Variants in GTF2A2 observed in about 807,000 individuals in gnomAD.
GTF2A2 encodes the protein transcription initiation factor IIA subunit 2.
A neutral mutation model predicts 14.3 loss-of-function variants in GTF2A2; 9 were observed. The observed-to-expected ratio is 0.63, with a 90% confidence interval of 0.38 to 1.10. The LOEUF (loss-of-function observed/expected upper bound fraction) is 1.10, where lower values mean the gene tolerates loss of function less well. GTF2A2 is among the 50% of genes least tolerant of loss of function. The pLI is 0.01. For synonymous variants in GTF2A2, 56 were observed against 46.0 expected (o/e 1.22, Z -0.88); for missense variants, 90 against 124.6 (o/e 0.72, Z 1.32).
intron 1 of GTF2A2, among the ~76,000 whole-genome samples, chr15:59,652,705 C>G (rs1891831853): frequency 6.6e-6 from 1 of 152,006 alleles, no homozygotes. Context: ...CTTTATTTTC[C>G]TGTTCTCTCT....
intron 2 of GTF2A2, chr15:59,651,859 A>AT: frequency 5.7e-6 from 1 of 174,552 alleles, no homozygotes; most frequent in South Asian, 1.3e-4. Flanking sequence ...TAATTTTTTT[A>AT]TTTTTTGTGG....
At chr15:59,656,981 C>T (rs1414761569) in intron 1 of GTF2A2, 7 of 152,208 alleles carry the variant, frequency 4.6e-5, no homozygotes, top group African/African-American at 1.7e-4. Context: ...AAATTCGTTC[C>T]TTTTGTCGGA....
Position 59,652,293 on chromosome 15 carries a change from ATT to A in GTF2A2, c.-18_-17del. 6.6e-7 allele frequency: 1 copy of A among 1,521,084 alleles called. No homozygotes were observed. The allele number at this position is 1,521,084 out of a possible 1,614,324, so 94.2% of individuals were successfully genotyped here. On this transcript the variant is annotated 5_prime_UTR_variant, in exon 2 of 5. Transcript: ENST00000396060. ...GATATGCCATGGCTTAGGAGGAAGA[ATT>A]TGTTTTTCTTATTCAAGCTTGCATT... is the stretch of plus-strand genomic sequence containing the variant.
intron 4 of GTF2A2, among the ~76,000 whole-genome samples, chr15:59,639,406 A>G (rs1429634637): frequency 1.3e-5 from 2 of 151,796 alleles, no homozygotes; most frequent in Admixed American, 1.3e-4. Flanking sequence ...GTTGAACTAC[A>G]TTTGGTTCAC....
At position 59,638,963 on chromosome 15, in the gene GTF2A2, G is replaced by A. The variant is rs1010176509; in HGVS notation, c.*169C>T. 3.0e-5 allele frequency: 18 copies of A among 596,154 alleles called. No individual in the cohort carries two copies. The highest frequency in any genetic ancestry group is 4.7e-4 in the Middle Eastern group (1 of 2,132). The allele number at this position is 596,154 out of a possible 1,614,324, so 36.9% of individuals were successfully genotyped here. ...ATGGTTTTTCATGCTGTATAATAAA[G>A]GTGATGTAAGAGGCTACAGAGTTAC... On this transcript the variant is annotated 3_prime_UTR_variant, in exon 5 of 5. Coordinates refer to ENST00000396060, the MANE Select transcript of GTF2A2 (RefSeq NM_004492.3).
chr15:59,650,802 G>T, intron 2 of GTF2A2, 29 bp from the exon 3 acceptor site: 1 of 1,147,332 alleles, frequency 8.7e-7, no homozygotes. Flanking sequence ...CATAAATCCC[G>T]TTAAGGAAGA....
At position 59,638,315 on chromosome 15, in the gene GTF2A2, C is replaced by T. The variant is rs1402583544; in HGVS notation, c.*817G>A. ...AATCTTTTACTCCAATTGGGTCAAT[C>T]CAGTTAACCATGTAAGAAACTCCTC... On this transcript the variant is annotated 3_prime_UTR_variant, in exon 5 of 5. Coordinates refer to ENST00000396060, the MANE Select transcript of GTF2A2 (RefSeq NM_004492.3). The T allele has an allele frequency of 6.6e-6, 1 of 152,130 alleles. No homozygotes were observed. The highest frequency in any genetic ancestry group is 1.5e-5 in the Non-Finnish European group (1 of 68,038). 9.4% of individuals were successfully genotyped at this position (152,130 alleles called of 1,614,324 possible). A position where few individuals can be genotyped will look rare whatever the true frequency, so the allele number is the denominator to read the frequency against.
At chr15:59,654,418 C>A (rs1314371443) in intron 1 of GTF2A2, among the ~76,000 whole-genome samples, 1 of 152,150 alleles carries the variant, frequency 6.6e-6, no homozygotes, top group Non-Finnish European at 1.5e-5. Context: ...ATCTCTGGGT[C>A]AAGCATTACT....
Position 59,638,855 on chromosome 15 carries a change from CCAGTTATTACT to C in GTF2A2, c.*266_*276del. On this transcript the variant is annotated 3_prime_UTR_variant, in exon 5 of 5. Coordinates refer to ENST00000396060, the MANE Select transcript of GTF2A2 (RefSeq NM_004492.3). ...TCATATTGCTACCTTAATAGCTTCACCAGTTATTACTCAGAGTTTTAAAATGAGTTTATTAA... is the reference window on the plus strand; with the variant it reads ...TCATATTGCTACCTTAATAGCTTCACCAGAGTTTTAAAATGAGTTTATTAA... The C allele has an allele frequency of 2.9e-6, 1 of 345,126 alleles. No individual in the cohort carries two copies. The highest frequency in any genetic ancestry group is 4.0e-5 in the South Asian group (1 of 25,206). 21.4% of individuals were successfully genotyped at this position (345,126 alleles called of 1,614,324 possible).
intron 3 of GTF2A2, among the ~76,000 whole-genome samples, chr15:59,645,601 G>A (rs1319068618): frequency 6.6e-6 from 1 of 152,142 alleles, no homozygotes; most frequent in Non-Finnish European, 1.5e-5. Flanking sequence ...ACACAAAATT[G>A]TAAGCCTATA....
intron 3 of GTF2A2, among the ~76,000 whole-genome samples, chr15:59,647,669 C>G (rs1264550295): frequency 1.3e-5 from 2 of 152,094 alleles, no homozygotes; most frequent in Admixed American, 6.5e-5. Flanking sequence ...ACCTCCGCCT[C>G]CTGGATTCAA....
intron 4 of GTF2A2, chr15:59,639,942 A>C (rs1169809244): frequency 6.6e-6 from 1 of 151,606 alleles, no homozygotes; most frequent in African/African-American, 2.4e-5. Context: ...GTAGAGATGG[A>C]GTTTCACCAT....
intron 4 of GTF2A2, 63 bp from the exon 5 acceptor site, chr15:59,639,220 A>T: frequency 1.0e-6 from 1 of 1,000,144 alleles, no homozygotes; most frequent in Non-Finnish European, 1.6e-6. Flanking sequence ...TTTACAATTA[A>T]CTATTTTAAG....
At position 59,638,228 on chromosome 15, in the gene GTF2A2, G is replaced by C. The variant is rs912306397; in HGVS notation, c.*904C>G. 1.3e-5 allele frequency: 2 copies of C among 152,112 alleles called. No homozygotes were observed. The highest frequency in any genetic ancestry group is 2.4e-5 in the African/African-American group (1 of 41,394). The allele number at this position is 152,112 out of a possible 1,614,324, so 9.4% of individuals were successfully genotyped here. A position where few individuals can be genotyped will look rare whatever the true frequency, so the allele number is the denominator to read the frequency against. On this transcript the variant is annotated 3_prime_UTR_variant, in exon 5 of 5. Coordinates refer to ENST00000396060, the MANE Select transcript of GTF2A2 (RefSeq NM_004492.3). ...CTAGCCAAAGTTAGTTTTAATGTGA[G>C]AGTCAAGGACTACAGTGGCATGCTG...
At chr15:59,644,236 A>G (rs1170158604) in intron 3 of GTF2A2, 1 of 152,190 alleles carries the variant, frequency 6.6e-6, no homozygotes, top group Non-Finnish European at 1.5e-5. Flanking sequence ...GTGCATAGAC[A>G]CCAACAGAAT....
chr15:59,645,017 C>T (rs983217352), intron 3 of GTF2A2, among the ~76,000 whole-genome samples: 1 of 152,080 alleles, frequency 6.6e-6, no homozygotes, highest in Admixed American at 6.6e-5. Flanking sequence ...AGTGGCTTTA[C>T]TACAGTAATA....
chr15:59,650,847 T>C lies in GTF2A2; in HGVS notation c.73-74A>G, dbSNP rs1043376952. ...ACAAAGTAAATAAAAATATACAAAT[T>C]ATCATCTAAAATTTAACTGAGGTTA... On this transcript the variant is annotated intron_variant, in intron 2 of 4. Coordinates refer to ENST00000396060, the MANE Select transcript of GTF2A2 (RefSeq NM_004492.3). 4 of 813,046 alleles carry C rather than the reference T, an allele frequency of 4.9e-6. No homozygotes were observed. The African/African-American group carries it at 5.1e-5, about 10-fold the overall frequency. The allele number at this position is 813,046 out of a possible 1,614,324, so 50.4% of individuals were successfully genotyped here. A position where few individuals can be genotyped will look rare whatever the true frequency, so the allele number is the denominator to read the frequency against.
intron 1 of GTF2A2, among the ~76,000 whole-genome samples, chr15:59,653,630 T>C (rs1238581652): frequency 6.6e-6 from 1 of 152,098 alleles, no homozygotes; most frequent in African/African-American, 2.4e-5. Context: ...AGTTACCTCA[T>C]CCAGACTTAC....
rs111866289 is a variant in GTF2A2, at chr15:59,650,582, A to G, written c.177+87T>C. The stretch of plus-strand genomic sequence containing the variant: ...GACTAAGCCACCTCTTCCTCTTATG[A>G]TTAATAAATATGTAGGGGTCCTAAA... On this transcript the variant is annotated intron_variant, in intron 3 of 4. Transcript: ENST00000396060. 1.7e-3 allele frequency: 1,221 copies of G among 700,674 alleles called. 11 individuals are homozygous for G. The African/African-American group carries it at 0.02, about 12-fold the overall frequency. 43.4% of individuals were successfully genotyped at this position (700,674 alleles called of 1,614,324 possible). A position where few individuals can be genotyped will look rare whatever the true frequency, so the allele number is the denominator to read the frequency against.
Sources: allele counts gnomAD v4.1 joint callset (sites outside exome capture counted in the v4.1 genomes callset), GRCh38; gene constraint gnomAD v4.1.1; transcripts MANE v1.5; gene names NCBI Gene and HGNC (gene_info 2026-07-23, HGNC 2026-07-21).